The following PTPRE variants were observed in gnomAD, a reference collection of about 807,000 sequenced individuals.
The protein encoded by PTPRE is protein tyrosine phosphatase receptor type E, also known as receptor-type tyrosine-protein phosphatase epsilon.
PTPRE carries 51 observed loss-of-function variants against 102.0 expected under a neutral mutation model. The observed-to-expected ratio is 0.50, with a 90% CI of 0.40 to 0.63. The LOEUF is 0.63. Ranked by LOEUF, PTPRE falls within the 30% of genes least tolerant of loss-of-function variation. The probability of loss-of-function intolerance (pLI) is 0.00; values close to 1 mark genes in which losing one functional copy is unlikely to be tolerated. For synonymous variants in PTPRE, 345 were observed against 348.2 expected (o/e 0.99, Z 0.10); for missense variants, 752 against 915.1 (o/e 0.82, Z 2.30).
chr10:127,962,719 A>C (rs927466788), intron 1 of PTPRE, among the ~76,000 whole-genome samples: 1 of 152,230 alleles, frequency 6.6e-6, no homozygotes, highest in African/African-American at 2.4e-5. Flanking sequence ...GTCTGGAGAC[A>C]GGTTGGATTG....
rs1330904346 is a variant in PTPRE, at chr10:128,070,989, C to A, written c.1387+88C>A. ...CCTGGAGAAGCCATTGACCGCTTACCCCTGTGCACCAGGGTCAAAAGCAGG... is the reference window on the plus strand; with the variant it reads ...CCTGGAGAAGCCATTGACCGCTTACACCTGTGCACCAGGGTCAAAAGCAGG... On this transcript the variant is annotated intron_variant, in intron 15 of 20. Transcript: ENST00000254667. The surrounding 1 kb of genome is among the most constrained non-coding windows in gnomAD (Gnocchi z 4.8). 6.1e-6 allele frequency: 8 copies of A among 1,318,832 alleles called. No individual in the cohort carries two copies. Among genetic ancestry groups the A allele is most frequent in the African/African-American group, 2.9e-5 (2 of 68,854 alleles). The allele number at this position is 1,318,832 out of a possible 1,614,324, so 81.7% of individuals were successfully genotyped here.
At chr10:128,059,034 G>A (rs1849265324) in intron 7 of PTPRE, among the ~76,000 whole-genome samples, 1 of 152,188 alleles carries the variant, frequency 6.6e-6, no homozygotes, top group Non-Finnish European at 1.5e-5. Flanking sequence ...ATAATTTTAG[G>A]AAATAATGTT....
chr10:127,941,293 A>G (rs1564813799), intron 1 of PTPRE, among the ~76,000 whole-genome samples: 1 of 152,356 alleles, frequency 6.6e-6, no homozygotes, highest in South Asian at 2.1e-4. Context: ...AACAGCTGCC[A>G]TTTAGCAATT....
intron 12 of PTPRE, 29 bp from the exon 13 acceptor site, chr10:128,069,663 C>A: frequency 6.2e-7 from 1 of 1,612,774 alleles, no homozygotes; most frequent in African/African-American, 1.3e-5. Flanking sequence ...GTGTGACTCA[C>A]GACGCAGCAT....
intron 2 of PTPRE, chr10:127,999,412 G>T (rs768773323): frequency 3.0e-5 from 10 of 331,410 alleles, no homozygotes; most frequent in Admixed American, 6.5e-5. Flanking sequence ...GAACCACGGG[G>T]GGAATCATGA....
At chr10:128,049,488 G>C (rs543163522) in intron 5 of PTPRE, 42 bp from the exon 6 acceptor site, 1 of 1,609,326 alleles carries the variant, frequency 6.2e-7, no homozygotes, top group South Asian at 1.1e-5. Context: ...GCCTATCCAG[G>C]AATGTGGCTA....
intron 2 of PTPRE, among the ~76,000 whole-genome samples, chr10:127,988,406 A>C (rs1304895023): frequency 6.6e-6 from 1 of 150,784 alleles, no homozygotes; most frequent in African/African-American, 2.5e-5. Context: ...CCAGGGTTCA[A>C]GCGATTCTCC....
At chr10:128,020,592 G>C (rs867513555) in intron 2 of PTPRE, among the ~76,000 whole-genome samples, 1 of 152,298 alleles carries the variant, frequency 6.6e-6, no homozygotes, top group African/African-American at 2.4e-5. Flanking sequence ...AAAACAGCTC[G>C]GTTTTGACAT....
At position 127,915,919 on chromosome 10, in the gene PTPRE, C is replaced by A. The variant is rs116237372; in HGVS notation, c.-31+8610C>A. On this transcript the variant is annotated intron_variant, in intron 1 of 20. Transcript: ENST00000254667. ...TGATATATTCTATTTACAAGGGGTT[C>A]ATCAGGATATGACCTCACTGTAAGC... 9.7e-3 allele frequency among the ~76,000 whole-genome samples: 1,468 copies of A among 151,340 alleles called. 18 individuals carry two copies. Among genetic ancestry groups the A allele is most frequent in the African/African-American group, 0.033 (1,364 of 41,140 alleles).
chr10:127,963,762 G>A (rs1850022483), intron 1 of PTPRE, among the ~76,000 whole-genome samples: 1 of 152,164 alleles, frequency 6.6e-6, no homozygotes, highest in Non-Finnish European at 1.5e-5. Flanking sequence ...CTCTAGCAGT[G>A]TGAGACAACC....
intron 1 of PTPRE, among the ~76,000 whole-genome samples, chr10:127,923,804 C>A (rs1846802236): frequency 1.3e-5 from 2 of 152,186 alleles, no homozygotes; most frequent in South Asian, 4.1e-4. Flanking sequence ...TTCCGGGTAT[C>A]TCTGTCAGGA....
chr10:128,006,374 G>T (rs1003086549), intron 2 of PTPRE, among the ~76,000 whole-genome samples: 1 of 152,186 alleles, frequency 6.6e-6, no homozygotes, highest in Non-Finnish European at 1.5e-5. Context: ...GGAATTGTAC[G>T]CCTAATCACC....
At position 127,944,384 on chromosome 10, in the gene PTPRE, G is replaced by GTGGATGGA. The variant is rs772803959; in HGVS notation, c.-31+37098_-31+37105dup. On this transcript the variant is annotated intron_variant, in intron 1 of 20. Transcript: ENST00000254667. This position sits in a 1 kb window ranked among gnomAD's most constrained non-coding sequence, Gnocchi z 4.2. ...GGACGATGGACAGATGGATGGATAT[G>GTGGATGGA]TGGATGGATGGATGGATGGATGGAT... Among the ~76,000 whole-genome samples the GTGGATGGA allele has an allele frequency of 2.0e-5, 3 of 151,508 alleles. No individual in the cohort carries two copies. Among genetic ancestry groups the GTGGATGGA allele is most frequent in the African/African-American group, 4.9e-5 (2 of 41,208 alleles).
At chr10:128,023,736 C>G (rs1479455886) in intron 2 of PTPRE, among the ~76,000 whole-genome samples, 2 of 152,196 alleles carry the variant, frequency 1.3e-5, no homozygotes, top group Non-Finnish European at 2.9e-5. Flanking sequence ...GAAAAAGTAA[C>G]AAGACTGCAA....
At chr10:128,016,014 T>C (rs1845396581) in intron 2 of PTPRE, among the ~76,000 whole-genome samples, 1 of 152,156 alleles carries the variant, frequency 6.6e-6, no homozygotes. Flanking sequence ...CAAGGGCATC[T>C]TCTCTGGAGG....
rs1850628949 is a variant in PTPRE at position 128,070,041 on chromosome 10, G to A, written c.1143+214G>A. 2 of 733,872 alleles carry A rather than the reference G, an allele frequency of 2.7e-6. No individual in the cohort carries two copies. The highest frequency in any genetic ancestry group is 4.4e-6 in the Non-Finnish European group (2 of 454,400). 45.5% of individuals were successfully genotyped at this position (733,872 alleles called of 1,614,324 possible). ...CCCTCGTATCCTCATGTGAGATGGG[G>A]CAATCCTACTCCCCCAAACGGTGCA... On this transcript the variant is annotated intron_variant, in intron 13 of 20. Transcript: ENST00000254667. This position sits in a 1 kb window ranked among gnomAD's most constrained non-coding sequence, Gnocchi z 4.8.
chr10:128,031,071 A>C (rs575571342), intron 2 of PTPRE, among the ~76,000 whole-genome samples: 1 of 152,358 alleles, frequency 6.6e-6, no homozygotes, highest in South Asian at 2.1e-4. Flanking sequence ...TTGTCTCTCC[A>C]CATCCTGGCA....
intron 1 of PTPRE, among the ~76,000 whole-genome samples, chr10:127,911,703 T>A (rs1161371349): frequency 1.3e-5 from 2 of 152,194 alleles, no homozygotes; most frequent in Non-Finnish European, 2.9e-5. Context: ...CAGGGAGGCC[T>A]CCTGTTTCTT....
chr10:128,000,640 GT>G (rs2135552014), intron 2 of PTPRE, among the ~76,000 whole-genome samples: 1 of 152,312 alleles, frequency 6.6e-6, no homozygotes, highest in African/African-American at 2.4e-5. Context: ...CTATGAATTG[GT>G]TTTGATACTT....
Sources: gnomAD v4.1 joint callset for allele counts (sites outside exome capture counted in the v4.1 genomes callset) on GRCh38, gnomAD v4.1.1 for gene constraint, Gnocchi (gnomAD v3.1) non-coding constraint, MANE v1.5 for transcripts, NCBI Gene and HGNC (gene_info 2026-07-23, HGNC 2026-07-21) for gene names.